Variants in VWF observed in about 807,000 individuals in gnomAD.
VWF encodes von Willebrand factor, also known as Factor VIII related antigen.
In VWF, 176 loss-of-function variants were observed where a neutral mutation model predicts 308.6. That is an observed-to-expected ratio of 0.57 (90% CI 0.50 to 0.65). VWF has a LOEUF of 0.65. Ranked by LOEUF, VWF falls within the 30% of genes least tolerant of loss-of-function variation. The pLI is 0.00. For synonymous variants in VWF, 1,385 were observed against 1,443.4 expected, an observed-to-expected ratio of 0.96 and a Z score of 0.92; for missense variants, 3,146 against 3,648.2, an observed-to-expected ratio of 0.86 and a Z score of 3.55.
intron 42 of VWF, among the ~76,000 whole-genome samples, chr12:5,979,704 C>T (rs1403720141): frequency 1.4e-5 from 2 of 148,020 alleles, no homozygotes; most frequent in African/African-American, 2.5e-5. Flanking sequence ...CAGCCAAGAT[C>T]GTGCCACTGC....
rs926264146 is a variant in VWF at position 5,985,555 on chromosome 12, A to G, written c.6901+8T>C. On this transcript the variant is annotated splice_region_variant and intron_variant, in intron 39 of 51. Transcript: ENST00000261405. ...CCATGAAGGCACCAGGGAGGGGAGG[A>G]CTCTCACCTTTGGCCGTGGGGCAGG... 1.2e-6 allele frequency: 2 copies of G among 1,612,548 alleles called. No individual in the cohort carries two copies. Among genetic ancestry groups the G allele is most frequent in the Admixed American group, 3.3e-5 (2 of 59,960 alleles).
In VWF at chr12:5,951,838, A is replaced by G. The variant is rs1223422347; in HGVS notation, c.8155+6T>C. 22 of 1,614,204 alleles carry G rather than the reference A, an allele frequency of 1.4e-5. No homozygotes were observed. Among genetic ancestry groups the G allele is most frequent in the Non-Finnish European group, 1.9e-5 (22 of 1,180,018 alleles). ...TCAAGGGACAAGATATTAGTAACGC[A>G]CTCACATGTGTCACAGCAGGTGCCT... On this transcript the variant is annotated splice_donor_region_variant and intron_variant, in intron 50 of 51. Coordinates refer to ENST00000261405, the MANE Select transcript of VWF (RefSeq NM_000552.5).
chr12:6,057,823 C>A (rs749805942), intron 14 of VWF, 26 bp downstream of exon 14: 12 of 1,588,714 alleles, frequency 7.6e-6, no homozygotes, highest in Non-Finnish European at 1.0e-5. Context: ...CTGCGAGGTC[C>A]CTGCCTTGCC....
intron 34 of VWF, among the ~76,000 whole-genome samples, chr12:6,007,110 T>C (rs1163595730): frequency 1.3e-5 from 2 of 152,210 alleles, no homozygotes; most frequent in South Asian, 4.2e-4. Context: ...TGATGATAAA[T>C]ATAGAACAAC....
chr12:6,096,716 C>T (rs1378151063), intron 5 of VWF, among the ~76,000 whole-genome samples: 2 of 152,200 alleles, frequency 1.3e-5, no homozygotes, highest in Non-Finnish European at 2.9e-5. Flanking sequence ...GTCAGCTACT[C>T]ACAATAGACT....
At chr12:5,955,481 C>A (rs1028371059) in intron 47 of VWF, among the ~76,000 whole-genome samples, 1 of 150,420 alleles carries the variant, frequency 6.6e-6, no homozygotes, top group African/African-American at 2.5e-5. Context: ...GGTTTTTTGT[C>A]CTTGCGATAG....
At chr12:6,087,587 G>C (rs1437717466) in intron 6 of VWF, among the ~76,000 whole-genome samples, 1 of 149,768 alleles carries the variant, frequency 6.7e-6, no homozygotes, top group African/African-American at 2.5e-5. Context: ...GGATGGTCTC[G>C]ACCTCCTGAC....
intron 47 of VWF, among the ~76,000 whole-genome samples, chr12:5,966,243 G>A (rs746972566): frequency 6.6e-5 from 10 of 150,888 alleles, no homozygotes; most frequent in Non-Finnish European, 1.3e-4. Context: ...CCATATGGAA[G>A]CCCAGATGTG....
chr12:6,073,092 C>G (rs958291684), intron 8 of VWF, among the ~76,000 whole-genome samples: 1 of 152,132 alleles, frequency 6.6e-6, no homozygotes, highest in African/African-American at 2.4e-5. Context: ...GTCTCAAACT[C>G]CTGAACTCAA....
rs61750592 is a variant in VWF, at chr12:6,018,449, G to T, written c.4969C>A (p.Leu1657Ile). Reference protein sequence around the residue: ...APILIQDFETLPREAPDLVLQ... With the variant: ...APILIQDFETIPREAPDLVLQ... ...ACCAGGTCAGGAGCCTCTCGGGGGA[G>T]CGTCTCAAAGTCCTGGATGAGGATA... The change falls in exon 28 of 52, where the codon CTC (leucine) becomes ATC (isoleucine). Residue 1657 changes from leucine to isoleucine, a missense_variant. Leu to Ile is a conservative substitution (Grantham distance 5). Transcript: ENST00000261405. 1 of 1,613,210 alleles carries T rather than the reference G, an allele frequency of 6.2e-7. No individual in the cohort carries two copies.
At chr12:6,079,042 A>G (rs1944875435) in intron 6 of VWF, among the ~76,000 whole-genome samples, 1 of 152,178 alleles carries the variant, frequency 6.6e-6, no homozygotes, top group African/African-American at 2.4e-5. Flanking sequence ...AACTTCTGAA[A>G]TCTGCCTAGG....
intron 18 of VWF, among the ~76,000 whole-genome samples, chr12:6,043,937 T>C (rs1032469426): frequency 3.3e-5 from 5 of 152,234 alleles, no homozygotes; most frequent in Non-Finnish European, 7.3e-5. Flanking sequence ...TCCATTTTCA[T>C]AGCATGGAAG....
Position 5,999,603 on chromosome 12 carries a change from C to T in VWF, c.5843-3381G>A, listed in dbSNP as rs983074421. Among the ~76,000 whole-genome samples, 6 of 151,848 alleles carry T rather than the reference C, an allele frequency of 4.0e-5. No homozygotes were observed. The South Asian group carries it at 8.3e-4, about 21-fold the overall frequency. On this transcript the variant is annotated intron_variant, in intron 34 of 51. Coordinates refer to ENST00000261405, the MANE Select transcript of VWF (RefSeq NM_000552.5). ...CACAAAATGAACAGATTAAGCAAGTCCATAAAAGCTTCTTCAAAAGATCAG... is the reference window on the plus strand; with the variant it reads ...CACAAAATGAACAGATTAAGCAAGTTCATAAAAGCTTCTTCAAAAGATCAG...
chr12:6,020,605 C>T lies in VWF; in HGVS notation c.3675-862G>A, dbSNP rs1196602795. ...TTTGCCAGTGTCCCGGAAAGTGGCA[C>T]GGCCTGCCAGCCCACAGGTGAAATC... On this transcript the variant is annotated intron_variant, in intron 27 of 51. Coordinates refer to ENST00000261405, the MANE Select transcript of VWF (RefSeq NM_000552.5). The surrounding 1 kb of genome is among the most constrained non-coding windows in gnomAD (Gnocchi z 4.3). 1.3e-5 allele frequency among the ~76,000 whole-genome samples: 2 copies of T among 152,242 alleles called. No homozygotes were observed. Among genetic ancestry groups the T allele is most frequent in the East Asian group, 1.9e-4 (1 of 5,202 alleles).
chr12:5,964,780 C>A (rs1379177846), intron 47 of VWF, among the ~76,000 whole-genome samples: 7 of 152,142 alleles, frequency 4.6e-5, no homozygotes, highest in Non-Finnish European at 7.4e-5. Context: ...CAGCAGGAGG[C>A]AGAGGGCAAA....
rs569629284 is a variant in VWF at position 6,026,152 on chromosome 12, G to A, written c.2968-106C>T. On this transcript the variant is annotated intron_variant, in intron 22 of 51. Coordinates refer to ENST00000261405, the MANE Select transcript of VWF (RefSeq NM_000552.5). ...GCGGCAATGGAGGCAGAGGGCATTCGAGGAAGAGGAGGAGGAGCGGGACAG... is the reference window on the plus strand; with the variant it reads ...GCGGCAATGGAGGCAGAGGGCATTCAAGGAAGAGGAGGAGGAGCGGGACAG... The A allele has an allele frequency of 3.7e-4, 556 of 1,510,228 alleles. 1 individual carries two copies. The African/African-American group carries it at 6.9e-3, about 19-fold the overall frequency. 93.6% of individuals were successfully genotyped at this position (1,510,228 alleles called of 1,614,324 possible).
chr12:6,071,695 T>C (rs1032849887), intron 9 of VWF, among the ~76,000 whole-genome samples: 1 of 152,176 alleles, frequency 6.6e-6, no homozygotes, highest in Non-Finnish European at 1.5e-5. Context: ...AATGGGTAGC[T>C]CCCAGCCCAG....
At chr12:6,091,303 G>A (rs1945032655) in intron 6 of VWF, among the ~76,000 whole-genome samples, 2 of 152,006 alleles carry the variant, frequency 1.3e-5, no homozygotes, top group African/African-American at 4.8e-5. Context: ...TGGGAGGAGG[G>A]AGATGTGGGT....
At chr12:6,102,212 T>G (rs1244973611) in intron 5 of VWF, among the ~76,000 whole-genome samples, 1 of 147,134 alleles carries the variant, frequency 6.8e-6, no homozygotes. Flanking sequence ...GAGGCCGAGG[T>G]GGGCGGACCA....
Sources: gnomAD v4.1 joint callset for allele counts (sites outside exome capture counted in the v4.1 genomes callset) on GRCh38, gnomAD v4.1.1 for gene constraint, Gnocchi (gnomAD v3.1) non-coding constraint, MANE v1.5 for transcripts, NCBI Gene and HGNC (gene_info 2026-07-23, HGNC 2026-07-21) for gene names.